The following SMS variants were observed in gnomAD, a reference collection of about 807,000 sequenced individuals.
The protein encoded by SMS is spermine synthase, also known as spermidine aminopropyltransferase.
A neutral mutation model predicts 33.0 loss-of-function variants in SMS; 3 were observed. The observed-to-expected ratio is 0.09, with a 90% confidence interval of 0.04 to 0.23. The LOEUF is 0.23. Among genes scored for constraint, SMS ranks in the 10% least tolerant of loss-of-function variants. SMS has a pLI of 1.00. For synonymous variants in SMS, 103 were observed against 112.2 expected, an observed-to-expected ratio of 0.92 and a Z score of 0.52; for missense variants, 117 against 288.6, an observed-to-expected ratio of 0.41 and a Z score of 4.31.
At chrX:21,975,628 G>A (rs1165813131) in intron 4 of SMS, among the ~76,000 whole-genome samples, 2 of 111,336 alleles carry the variant, frequency 1.8e-5, no homozygotes, top group African/African-American at 6.5e-5. Context: ...CCTGATTGGT[G>A]CTTCACATTT....
intron 1 of SMS, among the ~76,000 whole-genome samples, chrX:21,956,521 G>C (rs1196982435): frequency 9.0e-6 from 1 of 110,655 alleles, no homozygotes; most frequent in Non-Finnish European, 1.9e-5. Flanking sequence ...CCAGACTGGA[G>C]TGCAGTGGCG....
At chrX:21,972,431 TCA>T (rs1477070565) in intron 3 of SMS, 74 bp from the exon 4 acceptor site, 1 of 660,504 alleles carries the variant, frequency 1.5e-6, no homozygotes, top group Admixed American at 2.5e-5. Flanking sequence ...CAACATGGCC[TCA>T]GTCGTTGGGT....
intron 4 of SMS, among the ~76,000 whole-genome samples, chrX:21,974,784 G>A (rs753289969): frequency 9.2e-6 from 1 of 109,262 alleles, no homozygotes; most frequent in African/African-American, 3.3e-5. Context: ...TAAGGTTGAC[G>A]ACAGCTAGAA....
chrX:21,967,983 C>T (rs754772598), intron 2 of SMS, among the ~76,000 whole-genome samples: 11 of 112,481 alleles, frequency 9.8e-5, no homozygotes, highest in Non-Finnish European at 1.9e-4. Flanking sequence ...GAGATGATAT[C>T]GGAGGGGCTG....
intron 1 of SMS, among the ~76,000 whole-genome samples, chrX:21,943,073 C>G (rs1357118897): frequency 9.0e-6 from 1 of 110,945 alleles, no homozygotes; most frequent in South Asian, 3.8e-4. Context: ...TCTCAAACTC[C>G]TGGCCTCAAG....
chrX:21,979,669 T>C (rs753830622), intron 7 of SMS, among the ~76,000 whole-genome samples: 19 of 111,298 alleles, frequency 1.7e-4, no homozygotes, highest in Non-Finnish European at 3.2e-4. Flanking sequence ...AATATACGTG[T>C]GCATGTGTCT....
chrX:21,943,446 CTTAAT>C (rs747913745), intron 1 of SMS, among the ~76,000 whole-genome samples: 3 of 111,429 alleles, frequency 2.7e-5, no homozygotes, highest in African/African-American at 6.5e-5. Flanking sequence ...GAAGTGGCAT[CTTAAT>C]TTAGTTGTGC....
chrX:21,980,018 CAAAGCT>C (rs1161597476), intron 7 of SMS, among the ~76,000 whole-genome samples: 1 of 105,640 alleles, frequency 9.5e-6, no homozygotes. Context: ...AAGTAGTACA[CAAAGCT>C]AAAGATTGCT....
rs1290293986 is a variant in SMS, at chrX:21,994,665, T to C, written c.*314T>C. 1 of 836,791 alleles carries C rather than the reference T, an allele frequency of 1.2e-6. No individual in the cohort carries two copies. Among genetic ancestry groups the C allele is most frequent in the East Asian group, 7.4e-5 (1 of 13,566 alleles). The allele number at this position is 836,791 out of a possible 1,213,427, so 69.0% of individuals were successfully genotyped here. ...GTGGGCTTTTGTTTTTGTTTTTGTT[T>C]TGGTAGATCTTCAATTTGGATATTT... On this transcript the variant is annotated 3_prime_UTR_variant, in exon 11 of 11. Coordinates refer to ENST00000404933, the MANE Select transcript of SMS (RefSeq NM_004595.5).
At chrX:21,964,864 A>T (rs894057531) in intron 1 of SMS, among the ~76,000 whole-genome samples, 4 of 112,071 alleles carry the variant, frequency 3.6e-5, no homozygotes, top group Non-Finnish European at 7.5e-5. Context: ...TACAAATTGG[A>T]TAGTTTACAA....
At chrX:21,946,172 G>A (rs1922215733) in intron 1 of SMS, among the ~76,000 whole-genome samples, 1 of 111,940 alleles carries the variant, frequency 8.9e-6, no homozygotes, top group Non-Finnish European at 1.9e-5. Flanking sequence ...AAGTTCACAG[G>A]CCCCCTGAAT....
chrX:21,942,028 G>T (rs1208524996), intron 1 of SMS, among the ~76,000 whole-genome samples: 2 of 108,410 alleles, frequency 1.8e-5, no homozygotes, highest in Admixed American at 2.0e-4. Flanking sequence ...TCTGTCGTGG[G>T]GGGTGGGAGT....
At chrX:21,976,432 AT>A (rs1924536046) in intron 4 of SMS, among the ~76,000 whole-genome samples, 1 of 111,438 alleles carries the variant, frequency 9.0e-6, no homozygotes, top group Non-Finnish European at 1.9e-5. Context: ...TGCCTGTGTA[AT>A]ATATGTCAAC....
intron 1 of SMS, among the ~76,000 whole-genome samples, chrX:21,962,050 G>A (rs867944650): frequency 1.8e-5 from 2 of 112,026 alleles, no homozygotes; most frequent in East Asian, 2.8e-4. Context: ...CCTCAGGCTC[G>A]TTTTCACCTG....
intron 7 of SMS, among the ~76,000 whole-genome samples, chrX:21,981,793 G>A (rs73454869): frequency 0.14 from 15,070 of 110,905 alleles, 1,531 homozygotes; most frequent in African/African-American, 0.35. Context: ...ACAATTTAGA[G>A]TACTTAACCT....
At chrX:21,988,662 C>CAAAAAAAAAAAAAAAAAAAAAAAAAAAAA (rs199561897) in intron 9 of SMS, among the ~76,000 whole-genome samples, 3 of 66,156 alleles carry the variant, frequency 4.5e-5, no homozygotes, top group Admixed American at 4.4e-4. Flanking sequence ...GACTCTGTCT[C>CAAAAAAAAAAAAAAAAAAAAAAAAAAAAA]AAAAAAAAAA....
At chrX:21,964,204 T>G (rs1275810687) in intron 1 of SMS, among the ~76,000 whole-genome samples, 1 of 111,568 alleles carries the variant, frequency 9.0e-6, no homozygotes, top group Non-Finnish European at 1.9e-5. Context: ...CAAACGACTT[T>G]CCCAAAGGCA....
intron 1 of SMS, 75 bp downstream of exon 1, chrX:21,940,948 G>C (rs1415776597): frequency 1.7e-6 from 1 of 582,474 alleles, no homozygotes; most frequent in East Asian, 8.0e-5. Flanking sequence ...CGGGGGTCGG[G>C]CGTGGCGTGC....
chrX:21,952,946 A>G (rs12840980), intron 1 of SMS, among the ~76,000 whole-genome samples: 10,758 of 95,530 alleles, frequency 0.11, 598 homozygotes, highest in South Asian at 0.23. Flanking sequence ...ATTTTTTTTT[A>G]GAGACAGGGC....
Sources: gnomAD v4.1 joint callset for allele counts (sites outside exome capture counted in the v4.1 genomes callset) on GRCh38, gnomAD v4.1.1 for gene constraint, MANE v1.5 for transcripts, NCBI Gene and HGNC (gene_info 2026-07-23, HGNC 2026-07-21) for gene names.